EMB: variants seen among roughly 807,000 people sequenced by gnomAD.
EMB encodes the protein embigin homolog.
EMB carries 31 observed loss-of-function variants against 41.4 expected under a neutral mutation model. The observed-to-expected ratio is 0.75, with a 90% CI of 0.56 to 1.01. The LOEUF (loss-of-function observed/expected upper bound fraction) is 1.01. Ranked by LOEUF, EMB falls within the 50% of genes least tolerant of loss-of-function variation. EMB has a pLI of 0.00. For synonymous variants in EMB, 137 were observed against 140.4 expected, an observed-to-expected ratio of 0.98 and a Z score of 0.17; for missense variants, 379 against 388.3, an observed-to-expected ratio of 0.98 and a Z score of 0.20.
rs780647489 is a variant in EMB at position 50,405,747 on chromosome 5, T to C, written c.578A>G (p.Tyr193Cys). The C allele has an allele frequency of 1.9e-6, 3 of 1,605,320 alleles. No individual in the cohort carries two copies. Among genetic ancestry groups the C allele is most frequent in the East Asian group, 4.5e-5 (2 of 44,570 alleles). Reference sequence around the variant, plus strand: ...TACCTTTACACTCCCATTACTACTGTACCAGGTCCAATTTAAAGGAAAACA... The same window carrying C: ...TACCTTTACACTCCCATTACTACTGCACCAGGTCCAATTTAAAGGAAAACA... ...QNCFPLNWTW[Y>C]SSNGSVKVPV... The change falls in exon 5 of 9, where the codon TAC (tyrosine) becomes TGC (cysteine). Residue 193 changes from tyrosine to cysteine, a missense_variant. By Grantham distance (194) the Tyr-to-Cys change is radical (BLOSUM62 -2). Coordinates refer to ENST00000303221, the MANE Select transcript of EMB (RefSeq NM_198449.3).
intron 7 of EMB, among the ~76,000 whole-genome samples, chr5:50,400,325 C>A (rs558857453): frequency 1.3e-5 from 2 of 151,890 alleles, no homozygotes; most frequent in African/African-American, 4.8e-5. Context: ...CTTTTTCCAC[C>A]CAAAGTTTAT....
intron 7 of EMB, among the ~76,000 whole-genome samples, chr5:50,400,553 T>A (rs1455545148): frequency 6.6e-6 from 1 of 151,986 alleles, no homozygotes; most frequent in Non-Finnish European, 1.5e-5. Flanking sequence ...TTCTTTTGTG[T>A]GTACTCTTCA....
At chr5:50,424,411 T>C (rs1403275343) in intron 2 of EMB, among the ~76,000 whole-genome samples, 1 of 152,176 alleles carries the variant, frequency 6.6e-6, no homozygotes, top group East Asian at 1.9e-4. Context: ...ATGTGCTTTA[T>C]TGAAGATGGG....
At chr5:50,421,162 ATCAG>A (rs748192505) in intron 2 of EMB, among the ~76,000 whole-genome samples, 3 of 152,350 alleles carry the variant, frequency 2.0e-5, no homozygotes, top group Admixed American at 6.5e-5. Context: ...TGGGTGAAGA[ATCAG>A]TCAAATTCCA....
At chr5:50,427,718 T>C (rs1745643028) in intron 2 of EMB, among the ~76,000 whole-genome samples, 1 of 151,930 alleles carries the variant, frequency 6.6e-6, no homozygotes. Context: ...CATGTTGGAG[T>C]TCCTTGCTTG....
At chr5:50,405,932 C>G (rs1579722631) in intron 4 of EMB, 80 bp from the exon 5 acceptor site, 1 of 1,444,424 alleles carries the variant, frequency 6.9e-7, no homozygotes, top group Non-Finnish European at 9.1e-7. Flanking sequence ...ATATTGTCTC[C>G]TTTCATTTTT....
intron 1 of EMB, chr5:50,428,611 G>A: frequency 1.0e-6 from 1 of 987,132 alleles, no homozygotes; most frequent in South Asian, 4.7e-5. Context: ...GATGAAAGAA[G>A]AGCGACAGGC....
rs1745237599 is a variant in EMB, at chr5:50,405,742, T to C, written c.583A>G (p.Ser195Gly). ...CFPLNWTWYS[S>G]NGSVKVPVGV... ...TATCTTACCTTTACACTCCCATTAC[T>C]ACTGTACCAGGTCCAATTTAAAGGA... Residue 195 changes from serine to glycine, a missense_variant, in exon 5 of 9, where the codon AGT (serine) becomes GGT (glycine). Transcript: ENST00000303221. The C allele has an allele frequency of 6.2e-7, 1 of 1,602,648 alleles. No individual in the cohort carries two copies. Among genetic ancestry groups the C allele is most frequent in the Non-Finnish European group, 8.5e-7 (1 of 1,175,218 alleles).
intron 2 of EMB, among the ~76,000 whole-genome samples, chr5:50,424,974 T>C (rs1427095786): frequency 6.6e-6 from 1 of 152,224 alleles, no homozygotes; most frequent in Non-Finnish European, 1.5e-5. Context: ...TGACTCTCTA[T>C]GAATGTTAGG....
At chr5:50,417,014 C>T (rs951121913) in intron 2 of EMB, among the ~76,000 whole-genome samples, 4 of 152,150 alleles carry the variant, frequency 2.6e-5, no homozygotes, top group African/African-American at 4.8e-5. Context: ...GGTACCCCTG[C>T]TCTGAAGGAG....
chr5:50,430,116 T>C (rs1373967230), intron 1 of EMB, among the ~76,000 whole-genome samples: 1 of 152,128 alleles, frequency 6.6e-6, no homozygotes, highest in Non-Finnish European at 1.5e-5. Flanking sequence ...GGGGCTAGCA[T>C]ACTTAGAGGT....
At position 50,420,626 on chromosome 5, in the gene EMB, T is replaced by G. The variant is rs73108402; in HGVS notation, c.196+7518A>C. On this transcript the variant is annotated intron_variant, in intron 2 of 8. Coordinates refer to ENST00000303221, the MANE Select transcript of EMB (RefSeq NM_198449.3). Reference sequence around the variant, plus strand: ...TTTCATATTAATTTGTTTACTTACTTATCCATTGCCTTTCCCACTGAAACA... The same window carrying G: ...TTTCATATTAATTTGTTTACTTACTGATCCATTGCCTTTCCCACTGAAACA... Among the ~76,000 whole-genome samples the G allele has an allele frequency of 5.1e-3, 782 of 152,330 alleles. 10 individuals carry two copies. Among genetic ancestry groups the G allele is most frequent in the African/African-American group, 0.018 (752 of 41,566 alleles).
At chr5:50,425,737 G>GCTCTGTCACC (rs1192948186) in intron 2 of EMB, among the ~76,000 whole-genome samples, 1 of 147,796 alleles carries the variant, frequency 6.8e-6, no homozygotes, top group South Asian at 2.2e-4. Context: ...ATGGACTCTT[G>GCTCTGTCACC]CAGTGGCACA....
At chr5:50,411,084 G>T in intron 3 of EMB, 113 bp downstream of exon 3, 1 of 1,158,598 alleles carries the variant, frequency 8.6e-7, no homozygotes, top group African/African-American at 1.6e-5. Context: ...ATGCAAATTA[G>T]AATATTAGCA....
At chr5:50,421,700 G>C (rs936305122) in intron 2 of EMB, among the ~76,000 whole-genome samples, 1 of 151,864 alleles carries the variant, frequency 6.6e-6, no homozygotes, top group South Asian at 2.1e-4. Flanking sequence ...ATACACCATG[G>C]AATACTATGC....
At chr5:50,431,838 A>C (rs1466327202) in intron 1 of EMB, among the ~76,000 whole-genome samples, 2 of 152,198 alleles carry the variant, frequency 1.3e-5, no homozygotes, top group African/African-American at 4.8e-5. Context: ...TTTGCAGGGC[A>C]GTTGAGGCAT....
chr5:50,424,317 C>T (rs1745575387), intron 2 of EMB, among the ~76,000 whole-genome samples: 1 of 152,126 alleles, frequency 6.6e-6, no homozygotes, highest in South Asian at 2.1e-4. Context: ...TTCAAAACAA[C>T]TCATTTTTAC....
chr5:50,410,894 C>T lies in EMB; in HGVS notation c.455G>A (p.Gly152Glu), dbSNP rs759750057. Residue 152 changes from glycine (G) to glutamate (E), a missense_variant, in exon 4 of 9, where the codon GGA (glycine) becomes GAA (glutamate). Transcript: ENST00000303221. ...CFFREEKEQR[G>E]TFNFKVPELH... Reference sequence around the variant, plus strand: ...ATACTGACCTTTGAAATTAAATGTTCCCCTTTGTTCCTTTTCCTCTCGAAA... The same window carrying T: ...ATACTGACCTTTGAAATTAAATGTTTCCCTTTGTTCCTTTTCCTCTCGAAA... The T allele has an allele frequency of 1.3e-6, 2 of 1,598,358 alleles. No homozygotes were observed. Among genetic ancestry groups the T allele is most frequent in the South Asian group, 2.3e-5 (2 of 87,968 alleles).
chr5:50,423,460 T>G (rs1382053100), intron 2 of EMB, among the ~76,000 whole-genome samples: 1 of 152,216 alleles, frequency 6.6e-6, no homozygotes, highest in East Asian at 1.9e-4. Flanking sequence ...TAATATTCAT[T>G]CTCATGTTTT....
Sources: gnomAD v4.1 joint callset for allele counts (sites outside exome capture counted in the v4.1 genomes callset) on GRCh38, gnomAD v4.1.1 for gene constraint, MANE v1.5 for transcripts, NCBI Gene and HGNC (gene_info 2026-07-23, HGNC 2026-07-21) for gene names.